RPS6KC1: variants seen among roughly 807,000 people sequenced by gnomAD.
The protein encoded by RPS6KC1 is inactive ribosomal protein S6 kinase delta-1.
RPS6KC1 carries 54 observed loss-of-function variants against 103.8 expected under a neutral mutation model. The observed-to-expected ratio is 0.52, with a 90% CI of 0.42 to 0.65. The LOEUF (loss-of-function observed/expected upper bound fraction) is 0.65, where lower values mean the gene tolerates loss of function less well. Ranked by LOEUF, RPS6KC1 falls within the 30% of genes least tolerant of loss-of-function variation. RPS6KC1 has a pLI of 0.00. For missense variants in RPS6KC1, 1,151 were observed against 1,253.8 expected, an observed-to-expected ratio of 0.92 and a Z score of 1.24; for synonymous variants, 439 against 438.7, an observed-to-expected ratio of 1.00 and a Z score of -0.01.
At chr1:213,819,007 G>A in the RPS6KC1 span, 1 of 152,110 alleles carries the variant, frequency 6.6e-6, no homozygotes, top group Non-Finnish European at 1.5e-5. Context: ...TCGGCCCCAG[G>A]GAAACCCATG....
the RPS6KC1 span, among the ~76,000 whole-genome samples, chr1:213,377,223 G>T: frequency 6.6e-6 from 1 of 152,208 alleles, no homozygotes; most frequent in South Asian, 2.1e-4. Flanking sequence ...TCCTGAATGC[G>T]ATAACCTTTT....
At chr1:213,519,296 G>A in the RPS6KC1 span, among the ~76,000 whole-genome samples, 1 of 152,078 alleles carries the variant, frequency 6.6e-6, no homozygotes, top group African/African-American at 2.4e-5. Flanking sequence ...AGAACCTGTT[G>A]GTAAGAGTCT....
the RPS6KC1 span, among the ~76,000 whole-genome samples, chr1:213,724,070 C>A: frequency 7.9e-5 from 12 of 152,056 alleles, no homozygotes; most frequent in Admixed American, 7.9e-4. Context: ...GAAATCCTTC[C>A]TCTGTGGATT....
At chr1:213,074,945 C>A (rs977031826) in intron 2 of RPS6KC1, among the ~76,000 whole-genome samples, 15 of 148,510 alleles carry the variant, frequency 1.0e-4, no homozygotes, top group Non-Finnish European at 3.0e-5. Context: ...CTCCGCCTCC[C>A]GGGTTCATGC....
rs1294789830 is a variant in RPS6KC1 at position 213,151,660 on chromosome 1, C to T, written c.836-16198C>T. ...GGCTGGGCAGAGGGGCTCCTCACTT[C>T]CCAGTAGGGGCGGCCGGGCAGACGC... On this transcript the variant is annotated intron_variant, in intron 6 of 14. Transcript: ENST00000366960. Among the ~76,000 whole-genome samples, 53 of 89,102 alleles carry T rather than the reference C, an allele frequency of 5.9e-4. 2 individuals are homozygous for T. The highest frequency in any genetic ancestry group is 2.8e-3 in the African/African-American group (50 of 17,808). The allele number at this position is 89,102 out of a possible 152,430, so 58.5% of individuals were successfully genotyped here.
At chr1:213,229,419 C>T (rs1206165176) in intron 8 of RPS6KC1, among the ~76,000 whole-genome samples, 1 of 151,920 alleles carries the variant, frequency 6.6e-6, no homozygotes, top group Non-Finnish European at 1.5e-5. Context: ...GGGAAGAAGG[C>T]TCATTTGCAG....
At chr1:213,060,872 C>G (rs1300091989) in intron 1 of RPS6KC1, among the ~76,000 whole-genome samples, 4 of 152,136 alleles carry the variant, frequency 2.6e-5, no homozygotes, top group East Asian at 1.9e-4. Flanking sequence ...TCCTTACTGT[C>G]TTTGTCAGTT....
intron 3 of RPS6KC1, among the ~76,000 whole-genome samples, chr1:213,086,281 T>G (rs898575975): frequency 2.0e-5 from 3 of 152,192 alleles, no homozygotes; most frequent in African/African-American, 7.2e-5. Context: ...CCTAGGAAAT[T>G]TTGTTGTCAG....
At chr1:213,732,968 C>T in the RPS6KC1 span, among the ~76,000 whole-genome samples, 1 of 152,132 alleles carries the variant, frequency 6.6e-6, no homozygotes, top group Admixed American at 6.5e-5. Context: ...TCTGAAATGA[C>T]AGGATTCCCT....
intron 5 of RPS6KC1, among the ~76,000 whole-genome samples, chr1:213,119,826 G>A (rs1246314462): frequency 6.6e-6 from 1 of 151,810 alleles, no homozygotes; most frequent in African/African-American, 2.4e-5. Flanking sequence ...TGTTCAAGGT[G>A]AACAGATGGC....
the RPS6KC1 span, among the ~76,000 whole-genome samples, chr1:213,685,622 T>TC: frequency 1.5e-5 from 2 of 136,340 alleles, no homozygotes; most frequent in African/African-American, 5.8e-5. Context: ...AAAGTGAGAC[T>TC]CCATTTCAAA....
chr1:213,094,534 T>C (rs2081283095), intron 3 of RPS6KC1, among the ~76,000 whole-genome samples: 1 of 152,222 alleles, frequency 6.6e-6, no homozygotes, highest in Non-Finnish European at 1.5e-5. Flanking sequence ...GCTATATCTG[T>C]CTGATTGTTT....
At chr1:213,493,043 G>A in the RPS6KC1 span, among the ~76,000 whole-genome samples, 1 of 152,190 alleles carries the variant, frequency 6.6e-6, no homozygotes, top group East Asian at 1.9e-4. Context: ...TGATGTTGGA[G>A]GTCTAAAATG....
the RPS6KC1 span, among the ~76,000 whole-genome samples, chr1:213,669,387 G>A: frequency 1.1e-3 from 166 of 152,238 alleles, no homozygotes; most frequent in South Asian, 5.2e-3. Context: ...CAGAGTGGTC[G>A]CAACACACAC....
At chr1:213,654,791 C>T in the RPS6KC1 span, among the ~76,000 whole-genome samples, 1 of 152,188 alleles carries the variant, frequency 6.6e-6, no homozygotes, top group East Asian at 1.9e-4. Flanking sequence ...TCCAAATGAT[C>T]AGCCTATAAG....
chr1:213,765,961 A>G, the RPS6KC1 span, among the ~76,000 whole-genome samples: 2 of 152,160 alleles, frequency 1.3e-5, no homozygotes, highest in South Asian at 2.1e-4. Flanking sequence ...CTTGATCTCT[A>G]CCTGTGGATT....
the RPS6KC1 span, among the ~76,000 whole-genome samples, chr1:213,307,126 G>A: frequency 1.4e-5 from 2 of 147,498 alleles, no homozygotes; most frequent in Admixed American, 6.9e-5. Context: ...GCAGTGGCGC[G>A]ATCTTGGCTC....
chr1:213,097,992 C>T (rs1314751683), intron 3 of RPS6KC1, among the ~76,000 whole-genome samples: 2 of 152,204 alleles, frequency 1.3e-5, no homozygotes, highest in East Asian at 3.8e-4. Context: ...AGCAATAACG[C>T]TGCTTCACTT....
chr1:213,396,751 C>T, the RPS6KC1 span, among the ~76,000 whole-genome samples: 4 of 152,272 alleles, frequency 2.6e-5, no homozygotes, highest in Non-Finnish European at 5.9e-5. Flanking sequence ...GCGTTTGTGG[C>T]GCTCCTGCAC....
Sources: allele counts gnomAD v4.1 joint callset (sites outside exome capture counted in the v4.1 genomes callset), GRCh38; gene constraint gnomAD v4.1.1; transcripts MANE v1.5; gene names NCBI Gene and HGNC (gene_info 2026-07-23, HGNC 2026-07-21).